PTPRT: variants seen among roughly 807,000 people sequenced by gnomAD.
The protein encoded by PTPRT is protein tyrosine phosphatase receptor type T.
In PTPRT, 56 loss-of-function variants were observed where a neutral mutation model predicts 176.8. That is an observed-to-expected ratio of 0.32 (90% confidence interval 0.26 to 0.40). The LOEUF (loss-of-function observed/expected upper bound fraction) is 0.40, where lower values mean the gene tolerates loss of function less well. Among genes scored for constraint, PTPRT ranks in the 10% least tolerant of loss-of-function variants. The pLI is 1.00. For missense variants in PTPRT, 1,540 were observed against 1,908.2 expected, an observed-to-expected ratio of 0.81 and a Z score of 3.60; for synonymous variants, 783 against 739.0, an observed-to-expected ratio of 1.06 and a Z score of -0.96.
chr20:42,991,832 A>G (rs1046555392), intron 1 of PTPRT, among the ~76,000 whole-genome samples: 1 of 152,194 alleles, frequency 6.6e-6, no homozygotes, highest in Non-Finnish European at 1.5e-5. Flanking sequence ...TTGGGGTCCA[A>G]GTGATAACTG....
intron 8 of PTPRT, among the ~76,000 whole-genome samples, chr20:42,457,964 C>G (rs2070952366): frequency 6.6e-6 from 1 of 152,120 alleles, no homozygotes; most frequent in African/African-American, 2.4e-5. Context: ...CTCTCCTTTC[C>G]CCACTCCCAT....
intron 6 of PTPRT, among the ~76,000 whole-genome samples, chr20:42,715,725 GAGATACC>G (rs1466811502): frequency 2.4e-4 from 37 of 152,160 alleles, no homozygotes; most frequent in African/African-American, 8.7e-4. Flanking sequence ...GGAACCAAGA[GAGATACC>G]ATATTCATGG....
At chr20:42,654,293 G>A (rs1423613668) in intron 7 of PTPRT, among the ~76,000 whole-genome samples, 1 of 152,110 alleles carries the variant, frequency 6.6e-6, no homozygotes, top group Admixed American at 6.6e-5. Flanking sequence ...ATGCAAGAAG[G>A]CTCTCCCTAG....
At chr20:42,310,392 G>C (rs1169639216) in intron 12 of PTPRT, among the ~76,000 whole-genome samples, 1 of 152,076 alleles carries the variant, frequency 6.6e-6, no homozygotes, top group Non-Finnish European at 1.5e-5. Context: ...AGGGTAGTTG[G>C]TACTGTCTTA....
At chr20:42,182,583 TG>T (rs1990566885) in intron 16 of PTPRT, among the ~76,000 whole-genome samples, 1 of 152,120 alleles carries the variant, frequency 6.6e-6, no homozygotes, top group Non-Finnish European at 1.5e-5. Flanking sequence ...TGTACATCAG[TG>T]GGAATTTCAT....
At chr20:43,007,742 G>A (rs570286698) in intron 1 of PTPRT, among the ~76,000 whole-genome samples, 11 of 152,274 alleles carry the variant, frequency 7.2e-5, no homozygotes, top group South Asian at 4.1e-4. Flanking sequence ...TTCAAATGCA[G>A]GCAGAATCAT....
intron 7 of PTPRT, among the ~76,000 whole-genome samples, chr20:42,633,129 GGT>G (rs2074449727): frequency 6.6e-6 from 1 of 152,060 alleles, no homozygotes; most frequent in African/African-American, 2.4e-5. Flanking sequence ...AAGAATCTCT[GGT>G]TATCCCCTCT....
At chr20:42,630,841 A>G (rs1334428494) in intron 7 of PTPRT, among the ~76,000 whole-genome samples, 1 of 152,148 alleles carries the variant, frequency 6.6e-6, no homozygotes, top group African/African-American at 2.4e-5. Context: ...CTCTTGGATA[A>G]GTATCAATAA....
chr20:42,573,768 A>G (rs2073204829), intron 7 of PTPRT, among the ~76,000 whole-genome samples: 3 of 36,494 alleles, frequency 8.2e-5, no homozygotes, highest in South Asian at 9.7e-4. Flanking sequence ...TTTTTTTTTG[A>G]GATGGAGTCT....
chr20:42,496,372 A>C (rs1403559507), intron 7 of PTPRT, among the ~76,000 whole-genome samples: 1 of 152,154 alleles, frequency 6.6e-6, no homozygotes, highest in Non-Finnish European at 1.5e-5. Flanking sequence ...CTCTTGCTTT[A>C]GTTTCAGTGC....
the PTPRT span, among the ~76,000 whole-genome samples, chr20:42,050,647 T>G: frequency 1.3e-5 from 2 of 152,220 alleles, no homozygotes; most frequent in African/African-American, 4.8e-5. Flanking sequence ...AATATGTCTA[T>G]TTTTAGGTAT....
At chr20:42,906,567 G>C (rs1365973642) in intron 1 of PTPRT, among the ~76,000 whole-genome samples, 1 of 152,206 alleles carries the variant, frequency 6.6e-6, no homozygotes, top group Non-Finnish European at 1.5e-5. Flanking sequence ...GCCACCTACA[G>C]ATGGCTAAAC....
At chr20:43,064,931 C>T (rs985345831) in intron 1 of PTPRT, among the ~76,000 whole-genome samples, 11 of 152,196 alleles carry the variant, frequency 7.2e-5, no homozygotes, top group African/African-American at 2.7e-4. Context: ...GCTTATATTA[C>T]CCTGACCCCT....
chr20:42,437,947 C>T (rs566174277), intron 9 of PTPRT, among the ~76,000 whole-genome samples: 17 of 152,270 alleles, frequency 1.1e-4, no homozygotes, highest in Non-Finnish European at 1.8e-4. Flanking sequence ...AGGGGTAACA[C>T]GGTAAAACAT....
chr20:42,510,153 C>T (rs2071927611), intron 7 of PTPRT, among the ~76,000 whole-genome samples: 2 of 152,088 alleles, frequency 1.3e-5, no homozygotes, highest in African/African-American at 4.8e-5. Context: ...GAGACAAGGA[C>T]ACATGGTTTG....
At chr20:42,776,037 C>G (rs1274660196) in intron 4 of PTPRT, among the ~76,000 whole-genome samples, 1 of 152,194 alleles carries the variant, frequency 6.6e-6, no homozygotes, top group East Asian at 1.9e-4. Context: ...CTGGGGCCCA[C>G]AGGGCCCCTC....
chr20:42,128,646 T>A, intron 19 of PTPRT, 108 bp downstream of exon 19: 2 of 937,744 alleles, frequency 2.1e-6, no homozygotes, highest in Middle Eastern at 3.3e-4. Flanking sequence ...TCAAGGAGGA[T>A]CCAGACTGCT....
chr20:42,435,006 A>G (rs111981943), intron 9 of PTPRT, among the ~76,000 whole-genome samples: 3 of 151,852 alleles, frequency 2.0e-5, no homozygotes, highest in African/African-American at 7.3e-5. Flanking sequence ...CAACAAAAAA[A>G]AGAGAAAATT....
chr20:42,472,552 A>G lies in PTPRT; in HGVS notation c.1164T>C (p.His388=), dbSNP rs993105359. Residue 388 remains histidine (H), a synonymous_variant, in exon 8 of 31, where the codon CAT becomes CAC. Transcript: ENST00000373187. ...CTACGATTTCCACGTTCTGTGGGCC[A>G]TGTACCGGATCTGCAAAACATGCAG... ...TTRTKCADPV[H]GPQNVEIVDI... 25 of 1,613,662 alleles carry G rather than the reference A, an allele frequency of 1.5e-5. No individual in the cohort carries two copies. In the Admixed American group the frequency reaches 2.8e-4, roughly 18 times the overall value.
Sources: allele counts gnomAD v4.1 joint callset (sites outside exome capture counted in the v4.1 genomes callset), GRCh38; gene constraint gnomAD v4.1.1; transcripts MANE v1.5; gene names NCBI Gene and HGNC (gene_info 2026-07-23, HGNC 2026-07-21).